NTNG1: variants seen among roughly 807,000 people sequenced by gnomAD.
NTNG1 encodes the protein netrin-G1.
A neutral mutation model predicts 54.0 loss-of-function variants in NTNG1; 16 were observed. That is an observed-to-expected ratio of 0.30 (90% CI 0.20 to 0.45). NTNG1 has a LOEUF of 0.45. Ranked by LOEUF, NTNG1 falls within the 20% of genes least tolerant of loss-of-function variation. The pLI is 1.00. For missense variants in NTNG1, 530 were observed against 678.7 expected, an observed-to-expected ratio of 0.78 and a Z score of 2.43; for synonymous variants, 255 against 263.1, an observed-to-expected ratio of 0.97 and a Z score of 0.30.
At chr1:107,443,611 TCAC>T (rs1352008151) in intron 7 of NTNG1, among the ~76,000 whole-genome samples, 1 of 152,126 alleles carries the variant, frequency 6.6e-6, no homozygotes, top group East Asian at 1.9e-4. Flanking sequence ...AGTTCACATT[TCAC>T]CAGTTGACCT....
At chr1:107,158,066 G>A (rs1210975950) in intron 2 of NTNG1, among the ~76,000 whole-genome samples, 1 of 152,088 alleles carries the variant, frequency 6.6e-6, no homozygotes, top group African/African-American at 2.4e-5. Context: ...TGGCTAAGTT[G>A]TCATTTACTC....
intron 2 of NTNG1, among the ~76,000 whole-genome samples, chr1:107,252,333 G>A (rs1186708454): frequency 1.3e-5 from 2 of 152,076 alleles, no homozygotes; most frequent in African/African-American, 4.8e-5. Flanking sequence ...TTTTAATTTG[G>A]TGATTCCTTC....
intron 2 of NTNG1, among the ~76,000 whole-genome samples, chr1:107,314,843 G>A (rs1483942248): frequency 1.3e-5 from 2 of 152,144 alleles, no homozygotes; most frequent in African/African-American, 4.8e-5. Flanking sequence ...TAATAACTTA[G>A]CAAGTTACTT....
intron 7 of NTNG1, among the ~76,000 whole-genome samples, chr1:107,474,777 AC>A (rs1395073995): frequency 6.6e-6 from 1 of 152,100 alleles, no homozygotes; most frequent in Non-Finnish European, 1.5e-5. Context: ...ATGATAACAA[AC>A]CCTCTCCCAA....
chr1:107,364,298 T>C (rs924780694), intron 3 of NTNG1, among the ~76,000 whole-genome samples: 2 of 152,218 alleles, frequency 1.3e-5, no homozygotes, highest in African/African-American at 2.4e-5. Context: ...GTGGCTATCA[T>C]TGTTAACTGC....
intron 7 of NTNG1, among the ~76,000 whole-genome samples, chr1:107,443,004 G>A (rs972895710): frequency 1.3e-5 from 2 of 152,122 alleles, no homozygotes; most frequent in Admixed American, 6.6e-5. Context: ...CCCAGACTCT[G>A]GAGAAGTTCC....
At chr1:107,205,333 G>C (rs1659094464) in intron 2 of NTNG1, among the ~76,000 whole-genome samples, 2 of 152,078 alleles carry the variant, frequency 1.3e-5, no homozygotes, top group South Asian at 4.1e-4. Flanking sequence ...TTGCTATACA[G>C]CCTCAGTTCT....
chr1:107,145,239 A>C (rs186051901), intron 1 of NTNG1, among the ~76,000 whole-genome samples: 6 of 152,168 alleles, frequency 3.9e-5, no homozygotes, highest in Non-Finnish European at 5.9e-5. Flanking sequence ...TTCTATTTTT[A>C]CATCATTGTA....
chr1:107,230,855 G>A (rs1284440072), intron 2 of NTNG1, among the ~76,000 whole-genome samples: 2 of 152,104 alleles, frequency 1.3e-5, no homozygotes, highest in African/African-American at 4.8e-5. Flanking sequence ...ACAGCAATAA[G>A]ATGCAGTACT....
intron 3 of NTNG1, among the ~76,000 whole-genome samples, chr1:107,389,004 C>T (rs1316050100): frequency 6.6e-6 from 1 of 152,184 alleles, no homozygotes; most frequent in Non-Finnish European, 1.5e-5. Flanking sequence ...GAGGATGATC[C>T]ACATTTTGGA....
chr1:107,277,179 G>T (rs1664535891), intron 2 of NTNG1, among the ~76,000 whole-genome samples: 1 of 152,204 alleles, frequency 6.6e-6, no homozygotes, highest in Non-Finnish European at 1.5e-5. Context: ...TCAGGAAGTG[G>T]CTGCGTTAAT....
At chr1:107,388,979 G>T (rs1672192094) in intron 3 of NTNG1, among the ~76,000 whole-genome samples, 1 of 152,194 alleles carries the variant, frequency 6.6e-6, no homozygotes, top group Non-Finnish European at 1.5e-5. Flanking sequence ...CAATCCAAGG[G>T]AAGAGGCGCA....
chr1:107,264,795 C>T (rs370014367), intron 2 of NTNG1, among the ~76,000 whole-genome samples: 1 of 152,146 alleles, frequency 6.6e-6, no homozygotes, highest in South Asian at 2.1e-4. Flanking sequence ...GAAGCTGAGT[C>T]CACCCTTCAG....
intron 4 of NTNG1, among the ~76,000 whole-genome samples, chr1:107,402,579 G>T (rs1297171187): frequency 6.6e-6 from 1 of 151,860 alleles, no homozygotes; most frequent in East Asian, 1.9e-4. Flanking sequence ...ATTTCTGCTT[G>T]GATCATTTAT....
At chr1:107,352,282 T>C (rs1185426209) in intron 3 of NTNG1, among the ~76,000 whole-genome samples, 1 of 149,500 alleles carries the variant, frequency 6.7e-6, no homozygotes, top group Non-Finnish European at 1.5e-5. Context: ...ACTACCTTAG[T>C]AGAGGTTCTT....
intron 7 of NTNG1, among the ~76,000 whole-genome samples, chr1:107,450,022 A>T (rs1676528724): frequency 6.6e-6 from 1 of 152,096 alleles, no homozygotes; most frequent in Non-Finnish European, 1.5e-5. Context: ...TGACTGCTTT[A>T]TTCCTACTGA....
chr1:107,324,114 T>C (rs1667807439), intron 2 of NTNG1, among the ~76,000 whole-genome samples, 168 bp from the exon 3 acceptor site: 1 of 152,094 alleles, frequency 6.6e-6, no homozygotes, highest in South Asian at 2.1e-4. Context: ...TATTGCTTTT[T>C]TTTTTTAAAA....
At chr1:107,296,394 T>C (rs905006589) in intron 2 of NTNG1, among the ~76,000 whole-genome samples, 7 of 151,910 alleles carry the variant, frequency 4.6e-5, no homozygotes, top group African/African-American at 1.4e-4. Context: ...CCAAGTACAA[T>C]GTATGCACAT....
chr1:107,421,175 A>G, intron 5 of NTNG1: 1 of 1,443,874 alleles, frequency 6.9e-7, no homozygotes, highest in Non-Finnish European at 9.7e-7. Context: ...CAGTGATTTC[A>G]TGGTGTTATG....
Sources: gnomAD v4.1 joint callset for allele counts (sites outside exome capture counted in the v4.1 genomes callset) on GRCh38, gnomAD v4.1.1 for gene constraint, MANE v1.5 for transcripts, NCBI Gene and HGNC (gene_info 2026-07-23, HGNC 2026-07-21) for gene names.